The following CDC42SE2 variants were observed in gnomAD, a reference collection of about 807,000 sequenced individuals.
The protein encoded by CDC42SE2 is CDC42 small effector 2.
In CDC42SE2, 3 loss-of-function variants were observed where a neutral mutation model predicts 11.5. The ratio of observed to expected loss-of-function variants is 0.26; its 90% CI spans 0.12 to 0.67. The LOEUF (loss-of-function observed/expected upper bound fraction) is 0.67. Ranked by LOEUF, CDC42SE2 falls within the 30% of genes least tolerant of loss-of-function variation. The pLI, the probability that CDC42SE2 is intolerant of heterozygous loss-of-function variation, is 0.80. For synonymous variants in CDC42SE2, 33 were observed against 34.8 expected (o/e 0.95, Z 0.18); for missense variants, 82 against 106.8 (o/e 0.77, Z 1.02).
chr5:131,239,559 A>C, the CDC42SE2 span, among the ~76,000 whole-genome samples: 1 of 152,082 alleles, frequency 6.6e-6, no homozygotes, highest in Non-Finnish European at 1.5e-5. Context: ...TTTATTGTGT[A>C]TTTTGAGTGA....
At chr5:131,292,576 CAAAA>C (rs1757481297) in intron 1 of CDC42SE2, among the ~76,000 whole-genome samples, 2 of 108,968 alleles carry the variant, frequency 1.8e-5, no homozygotes, top group Non-Finnish European at 3.9e-5. Context: ...AAAAAAAAAA[CAAAA>C]AACAAAAAAC....
At chr5:131,289,873 T>G (rs989587257) in intron 1 of CDC42SE2, among the ~76,000 whole-genome samples, 2 of 151,908 alleles carry the variant, frequency 1.3e-5, no homozygotes, top group Admixed American at 6.6e-5. Context: ...AGGGACTCGC[T>G]CTGTCACCTA....
chr5:131,222,312 A>G, the CDC42SE2 span, among the ~76,000 whole-genome samples: 1 of 152,228 alleles, frequency 6.6e-6, no homozygotes, highest in South Asian at 2.1e-4. Flanking sequence ...ATAGATTTTT[A>G]TATACTGGTT....
At chr5:131,303,119 C>T (rs1051572834) in intron 1 of CDC42SE2, among the ~76,000 whole-genome samples, 3 of 152,136 alleles carry the variant, frequency 2.0e-5, no homozygotes, top group African/African-American at 7.2e-5. Flanking sequence ...ACAGTGTATT[C>T]ACAGAGGAAA....
chr5:131,232,776 G>A, the CDC42SE2 span, among the ~76,000 whole-genome samples: 3 of 145,128 alleles, frequency 2.1e-5, no homozygotes, highest in Admixed American at 1.4e-4. Context: ...ATATTATCCC[G>A]TCTTTAAAAT....
intron 2 of CDC42SE2, among the ~76,000 whole-genome samples, chr5:131,345,264 T>C (rs1304985269): frequency 6.6e-6 from 1 of 152,054 alleles, no homozygotes; most frequent in Non-Finnish European, 1.5e-5. Context: ...TGAAAAAAGA[T>C]GAGACGAATG....
At chr5:131,307,144 C>T (rs1243471983) in intron 1 of CDC42SE2, among the ~76,000 whole-genome samples, 1 of 151,496 alleles carries the variant, frequency 6.6e-6, no homozygotes, top group African/African-American at 2.4e-5. Context: ...TATACATGTG[C>T]CATGCTGGTA....
intron 4 of CDC42SE2, among the ~76,000 whole-genome samples, chr5:131,386,246 A>G (rs1237719341): frequency 1.3e-5 from 2 of 152,206 alleles, no homozygotes; most frequent in East Asian, 1.9e-4. Context: ...TTGTGCTCCT[A>G]TGAGAATCCC....
At chr5:131,343,111 A>G (rs563537262) in intron 2 of CDC42SE2, among the ~76,000 whole-genome samples, 1 of 152,310 alleles carries the variant, frequency 6.6e-6, no homozygotes, top group South Asian at 2.1e-4. Context: ...ACAGAATTTT[A>G]GTATGCATTG....
chr5:131,324,766 A>T (rs141417815), intron 2 of CDC42SE2, among the ~76,000 whole-genome samples: 1 of 152,326 alleles, frequency 6.6e-6, no homozygotes, highest in African/African-American at 2.4e-5. Context: ...GTATAAAAAA[A>T]TACCCCAGAT....
At chr5:131,293,236 T>G (rs1757498981) in intron 1 of CDC42SE2, among the ~76,000 whole-genome samples, 1 of 152,096 alleles carries the variant, frequency 6.6e-6, no homozygotes, top group South Asian at 2.1e-4. Flanking sequence ...GCTCTACCCT[T>G]CTACCATGTG....
chr5:131,390,974 T>C lies in CDC42SE2; in HGVS notation c.157-19T>C, dbSNP rs1171462653. 6.4e-7 allele frequency: 1 copy of C among 1,567,970 alleles called. No individual in the cohort carries two copies. The highest frequency in any genetic ancestry group is 1.7e-5 in the Admixed American group (1 of 59,370). Reference sequence around the variant, plus strand: ...TCCTGACTTCCATTTTGTTTTGTTGTATTTTTGTCTTGTTTTAGGTTAGCT... The same window carrying C: ...TCCTGACTTCCATTTTGTTTTGTTGCATTTTTGTCTTGTTTTAGGTTAGCT... On this transcript the variant is annotated intron_variant, in intron 4 of 4. Transcript: ENST00000505065.
chr5:131,314,964 C>T (rs1758008887), intron 1 of CDC42SE2, among the ~76,000 whole-genome samples: 1 of 152,064 alleles, frequency 6.6e-6, no homozygotes, highest in Non-Finnish European at 1.5e-5. Flanking sequence ...GTTTTTATGA[C>T]TGGAATTCTA....
intron 2 of CDC42SE2, among the ~76,000 whole-genome samples, chr5:131,331,416 C>G (rs1758417266): frequency 6.6e-6 from 1 of 152,016 alleles, no homozygotes; most frequent in African/African-American, 2.4e-5. Context: ...TCCCTATATT[C>G]TTAAAAAAGA....
intron 1 of CDC42SE2, among the ~76,000 whole-genome samples, chr5:131,283,349 C>T (rs909074260): frequency 3.3e-5 from 5 of 152,240 alleles, no homozygotes; most frequent in African/African-American, 7.2e-5. Context: ...CTCTGATAGC[C>T]GTTTACATAT....
At chr5:131,234,336 A>C in the CDC42SE2 span, among the ~76,000 whole-genome samples, 1 of 152,094 alleles carries the variant, frequency 6.6e-6, no homozygotes, top group African/African-American at 2.4e-5. Context: ...TAGATAGATA[A>C]ATACATAGAT....
chr5:131,325,748 G>T (rs2149737421), intron 2 of CDC42SE2, among the ~76,000 whole-genome samples: 1 of 152,252 alleles, frequency 6.6e-6, no homozygotes, highest in East Asian at 1.9e-4. Flanking sequence ...GGCTGAACTG[G>T]AATTAAAGTT....
intron 4 of CDC42SE2, among the ~76,000 whole-genome samples, chr5:131,389,903 T>C (rs1750596768): frequency 6.6e-6 from 1 of 152,218 alleles, no homozygotes. Context: ...CTAGCCTGAC[T>C]CTCCAATTCT....
chr5:131,290,897 A>G (rs1204826741), intron 1 of CDC42SE2, among the ~76,000 whole-genome samples: 1 of 152,196 alleles, frequency 6.6e-6, no homozygotes, highest in Non-Finnish European at 1.5e-5. Context: ...GAAAAAAAGA[A>G]AACTGTATCT....
Sources: gnomAD v4.1 joint callset for allele counts (sites outside exome capture counted in the v4.1 genomes callset) on GRCh38, gnomAD v4.1.1 for gene constraint, MANE v1.5 for transcripts, NCBI Gene and HGNC (gene_info 2026-07-23, HGNC 2026-07-21) for gene names.